Variants in SLC10A7 observed in about 807,000 individuals in gnomAD.
SLC10A7 encodes the protein sodium/bile acid cotransporter 7.
A neutral mutation model predicts 43.2 loss-of-function variants in SLC10A7; 29 were observed. That is an observed-to-expected ratio of 0.67 (90% CI 0.50 to 0.92). SLC10A7 has a LOEUF of 0.92. Ranked by LOEUF, SLC10A7 falls within the 40% of genes least tolerant of loss-of-function variation. The probability of loss-of-function intolerance (pLI) is 0.00; values close to 1 mark genes in which losing one functional copy is unlikely to be tolerated. For missense variants in SLC10A7, 295 were observed against 403.2 expected (o/e 0.73, Z 2.30); for synonymous variants, 152 against 144.8 (o/e 1.05, Z -0.35).
At chr4:146,377,040 T>G (rs1438473860) in intron 5 of SLC10A7, among the ~76,000 whole-genome samples, 6 of 152,164 alleles carry the variant, frequency 3.9e-5, no homozygotes, top group African/African-American at 1.4e-4. Context: ...AGTATAAGCA[T>G]GCCAGGGCAA....
At chr4:146,313,255 TC>T (rs1402408639) in intron 6 of SLC10A7, among the ~76,000 whole-genome samples, 1 of 152,096 alleles carries the variant, frequency 6.6e-6, no homozygotes, top group East Asian at 1.9e-4. Flanking sequence ...CCCCAACTCA[TC>T]CCATGTCTCC....
intron 3 of SLC10A7, among the ~76,000 whole-genome samples, chr4:146,505,452 A>G (rs1265392598): frequency 6.6e-6 from 1 of 152,174 alleles, no homozygotes; most frequent in Non-Finnish European, 1.5e-5. Context: ...ATAGTAGTTA[A>G]GTTTTTGGGG....
chr4:146,493,401 T>C (rs1419168075), intron 4 of SLC10A7, among the ~76,000 whole-genome samples: 1 of 152,138 alleles, frequency 6.6e-6, no homozygotes, highest in Non-Finnish European at 1.5e-5. Flanking sequence ...GATAACCCAT[T>C]TTCAATGTTT....
chr4:146,345,525 A>G (rs1453840060), intron 5 of SLC10A7, among the ~76,000 whole-genome samples: 1 of 152,102 alleles, frequency 6.6e-6, no homozygotes, highest in Non-Finnish European at 1.5e-5. Context: ...TGACCGGGCT[A>G]TATTCACTTT....
At chr4:146,340,858 C>T (rs1322925936) in intron 5 of SLC10A7, among the ~76,000 whole-genome samples, 1 of 151,656 alleles carries the variant, frequency 6.6e-6, no homozygotes, top group African/African-American at 2.4e-5. Context: ...TTTAAAAGTG[C>T]CAGAGAGCAA....
At chr4:146,318,131 C>A (rs1732452591) in intron 6 of SLC10A7, among the ~76,000 whole-genome samples, 1 of 151,916 alleles carries the variant, frequency 6.6e-6, no homozygotes, top group African/African-American at 2.4e-5. Context: ...ACTAATTTTC[C>A]CAATTTAAAC....
intron 5 of SLC10A7, among the ~76,000 whole-genome samples, chr4:146,405,200 C>T (rs964271034): frequency 2.6e-5 from 4 of 152,076 alleles, no homozygotes; most frequent in Non-Finnish European, 5.9e-5. Flanking sequence ...CCAGAATGCC[C>T]CTTCAACTTT....
chr4:146,356,995 AG>A (rs1735699905), intron 5 of SLC10A7, among the ~76,000 whole-genome samples: 1 of 152,210 alleles, frequency 6.6e-6, no homozygotes. Context: ...TGAATCCTAT[AG>A]CCCTATTCCT....
At chr4:146,256,940 C>T in intron 11 of SLC10A7, 1 of 1,528,890 alleles carries the variant, frequency 6.5e-7, no homozygotes, top group South Asian at 1.2e-5. Context: ...GTAGTTTCTA[C>T]ACAAAGGAAA....
chr4:146,311,596 A>G (rs916310773), intron 6 of SLC10A7, among the ~76,000 whole-genome samples: 1 of 152,212 alleles, frequency 6.6e-6, no homozygotes, highest in Non-Finnish European at 1.5e-5. Flanking sequence ...GGGAAAAATA[A>G]GAATAGATAT....
chr4:146,399,232 T>C (rs1739049747), intron 5 of SLC10A7, among the ~76,000 whole-genome samples: 1 of 151,992 alleles, frequency 6.6e-6, no homozygotes, highest in South Asian at 2.1e-4. Flanking sequence ...GGGGAGAAAG[T>C]CTTTGCTGCT....
At chr4:146,271,334 C>CA (rs1428021520) in intron 10 of SLC10A7, among the ~76,000 whole-genome samples, 1 of 152,180 alleles carries the variant, frequency 6.6e-6, no homozygotes, top group Non-Finnish European at 1.5e-5. Flanking sequence ...TGGATCCTTA[C>CA]ACCCCTCAGG....
intron 6 of SLC10A7, among the ~76,000 whole-genome samples, chr4:146,306,341 A>G (rs1228502463): frequency 6.6e-6 from 1 of 152,098 alleles, no homozygotes; most frequent in Non-Finnish European, 1.5e-5. Context: ...AGGTTATGTG[A>G]TTTTTATTTC....
chr4:146,273,607 A>C (rs1212525996), intron 10 of SLC10A7, among the ~76,000 whole-genome samples: 1 of 152,044 alleles, frequency 6.6e-6, no homozygotes, highest in Non-Finnish European at 1.5e-5. Context: ...AGCTATTAGG[A>C]TTATTATTGT....
chr4:146,347,759 T>C (rs1358063050), intron 5 of SLC10A7, among the ~76,000 whole-genome samples: 1 of 152,174 alleles, frequency 6.6e-6, no homozygotes, highest in Non-Finnish European at 1.5e-5. Flanking sequence ...ATCAATTATG[T>C]ATAGAAATGT....
At chr4:146,406,339 A>G (rs1727692582) in intron 5 of SLC10A7, among the ~76,000 whole-genome samples, 1 of 152,140 alleles carries the variant, frequency 6.6e-6, no homozygotes, top group South Asian at 2.1e-4. Context: ...TTTTGGTTAT[A>G]TTTCTGTGTT....
At chr4:146,393,523 T>G (rs1738599133) in intron 5 of SLC10A7, among the ~76,000 whole-genome samples, 1 of 152,148 alleles carries the variant, frequency 6.6e-6, no homozygotes, top group Non-Finnish European at 1.5e-5. Flanking sequence ...GAATGTAACC[T>G]CCATAAAGAC....
intron 5 of SLC10A7, among the ~76,000 whole-genome samples, chr4:146,351,463 A>C (rs1393330912): frequency 6.6e-6 from 1 of 151,728 alleles, no homozygotes; most frequent in East Asian, 1.9e-4. Context: ...AACACTCTGC[A>C]GGATATTATC....
rs1365131320 is a variant in SLC10A7, at chr4:146,509,211, G to A, written c.320+702C>T. Among the ~76,000 whole-genome samples the A allele has an allele frequency of 2.0e-5, 3 of 151,900 alleles. No homozygotes were observed. In the East Asian group the frequency reaches 5.8e-4, roughly 29 times the overall value. On this transcript the variant is annotated intron_variant, in intron 3 of 11. Transcript: ENST00000335472. ...AACACCCCCTGAGACTCCCCAACAT[G>A]CAAAACTAACAGGCATTTCACTGTT... is the stretch of plus-strand genomic sequence containing the variant.
Sources: gnomAD v4.1 joint callset for allele counts (sites outside exome capture counted in the v4.1 genomes callset) on GRCh38, gnomAD v4.1.1 for gene constraint, MANE v1.5 for transcripts, NCBI Gene and HGNC (gene_info 2026-07-23, HGNC 2026-07-21) for gene names.